DENND1A: variants seen among roughly 807,000 people sequenced by gnomAD.
DENND1A encodes the protein DENN domain containing 1A, also known as DENN domain-containing protein 1A.
DENND1A carries 51 observed loss-of-function variants against 113.7 expected under a neutral mutation model. The ratio of observed to expected loss-of-function variants is 0.45; its 90% CI spans 0.36 to 0.57. The LOEUF is 0.57. DENND1A is among the 20% of genes least tolerant of loss of function. The pLI, the probability that DENND1A is intolerant of heterozygous loss-of-function variation, is 0.00. For synonymous variants in DENND1A, 565 were observed against 570.8 expected, an observed-to-expected ratio of 0.99 and a Z score of 0.14; for missense variants, 1,258 against 1,395.9, an observed-to-expected ratio of 0.90 and a Z score of 1.57.
chr9:123,624,987 A>C (rs2061134938), intron 10 of DENND1A, among the ~76,000 whole-genome samples: 1 of 152,204 alleles, frequency 6.6e-6, no homozygotes, highest in African/African-American at 2.4e-5. Context: ...AATATTGGAA[A>C]ATATGGAAAA....
At chr9:123,414,258 C>G in intron 19 of DENND1A, 2 of 1,294,892 alleles carry the variant, frequency 1.5e-6, no homozygotes, top group Non-Finnish European at 2.0e-6. Context: ...TAGGAAGATT[C>G]AACGAGATGA....
chr9:123,679,756 C>T (rs1217439814), intron 5 of DENND1A, among the ~76,000 whole-genome samples: 2 of 152,200 alleles, frequency 1.3e-5, no homozygotes, highest in East Asian at 1.9e-4. Flanking sequence ...GCAGGTGAGG[C>T]TGCAGGGACC....
chr9:123,564,308 T>C (rs1198409169), intron 12 of DENND1A, among the ~76,000 whole-genome samples: 1 of 152,258 alleles, frequency 6.6e-6, no homozygotes, highest in Non-Finnish European at 1.5e-5. Flanking sequence ...CTATTGAGTG[T>C]TCACCTCTAA....
chr9:123,589,665 A>C (rs981982304), intron 11 of DENND1A, among the ~76,000 whole-genome samples: 14 of 151,594 alleles, frequency 9.2e-5, no homozygotes, highest in East Asian at 3.9e-4. Context: ...AAAAAAAAAA[A>C]AAAAAAAACT....
chr9:123,918,113 C>CAAAA (rs200189692), intron 1 of DENND1A, among the ~76,000 whole-genome samples: 1 of 142,364 alleles, frequency 7.0e-6, no homozygotes, highest in African/African-American at 2.7e-5. Context: ...GACTCTGTCT[C>CAAAA]AAAAAAAATA....
intron 18 of DENND1A, 128 bp from the exon 19 acceptor site, chr9:123,440,619 G>T: frequency 7.9e-7 from 1 of 1,264,300 alleles, no homozygotes; most frequent in Non-Finnish European, 1.0e-6. Flanking sequence ...TCTTGATGAA[G>T]ATGGAGGGAA....
At chr9:123,691,407 G>T (rs546050161) in intron 5 of DENND1A, among the ~76,000 whole-genome samples, 1 of 152,150 alleles carries the variant, frequency 6.6e-6, no homozygotes, top group Non-Finnish European at 1.5e-5. Context: ...TGAGGAAGGC[G>T]AACTGGATGA....
At chr9:123,455,839 C>A (rs2048077483) in intron 15 of DENND1A, among the ~76,000 whole-genome samples, 1 of 152,230 alleles carries the variant, frequency 6.6e-6, no homozygotes, top group African/African-American at 2.4e-5. Flanking sequence ...TAGAACACAA[C>A]TCCAGCCCAG....
chr9:123,634,270 G>A (rs2061606432), intron 9 of DENND1A, among the ~76,000 whole-genome samples: 1 of 152,074 alleles, frequency 6.6e-6, no homozygotes, highest in Admixed American at 6.5e-5. Flanking sequence ...TTCATTAGTG[G>A]GTTTTCTAAG....
intron 5 of DENND1A, among the ~76,000 whole-genome samples, chr9:123,732,688 T>C (rs1003730268): frequency 1.3e-5 from 2 of 152,114 alleles, no homozygotes; most frequent in African/African-American, 2.4e-5. Flanking sequence ...AAAATAAAAA[T>C]AGAAAAGTCT....
chr9:123,536,313 T>C (rs990215232), intron 13 of DENND1A, among the ~76,000 whole-genome samples: 1 of 151,746 alleles, frequency 6.6e-6, no homozygotes, highest in Non-Finnish European at 1.5e-5. Context: ...CTACTAAAAA[T>C]ACAAAAATTA....
At chr9:123,452,700 T>C (rs768016919) in intron 16 of DENND1A, among the ~76,000 whole-genome samples, 1 of 152,040 alleles carries the variant, frequency 6.6e-6, no homozygotes, top group Non-Finnish European at 1.5e-5. Context: ...CTTTTCAAGA[T>C]ATTCTAGTTA....
intron 13 of DENND1A, among the ~76,000 whole-genome samples, chr9:123,524,658 G>A (rs1211097469): frequency 5.9e-5 from 9 of 152,228 alleles, no homozygotes; most frequent in Non-Finnish European, 5.9e-5. Flanking sequence ...ATGAACCAGG[G>A]CGGTCTTCCC....
At chr9:123,600,351 C>A (rs2059888555) in intron 11 of DENND1A, among the ~76,000 whole-genome samples, 2 of 152,082 alleles carry the variant, frequency 1.3e-5, no homozygotes, top group Admixed American at 1.3e-4. Context: ...CTTATTTACT[C>A]CTCATTGAAA....
chr9:123,632,205 CCTGA>C (rs2061505883), intron 9 of DENND1A, among the ~76,000 whole-genome samples: 1 of 152,038 alleles, frequency 6.6e-6, no homozygotes, highest in Admixed American at 6.5e-5. Context: ...CCCCACCTGC[CCTGA>C]CTCTTTCCTC....
At chr9:123,504,529 A>C (rs1210098341) in intron 13 of DENND1A, among the ~76,000 whole-genome samples, 3 of 152,224 alleles carry the variant, frequency 2.0e-5, no homozygotes, top group Non-Finnish European at 4.4e-5. Flanking sequence ...ACAGTTAAAA[A>C]ATTTTTCATT....
chr9:123,636,662 T>G (rs2138858971), intron 9 of DENND1A, among the ~76,000 whole-genome samples: 1 of 151,774 alleles, frequency 6.6e-6, no homozygotes, highest in South Asian at 2.1e-4. Flanking sequence ...GCCTCCAGAT[T>G]CACACCATGA....
chr9:123,392,575 AGTCT>A (rs1168516392), intron 21 of DENND1A, among the ~76,000 whole-genome samples: 2 of 152,126 alleles, frequency 1.3e-5, no homozygotes, highest in Non-Finnish European at 2.9e-5. Context: ...GGTGGGTGCC[AGTCT>A]GTCTAACCAT....
chr9:123,489,910 G>T (rs1300733418), intron 13 of DENND1A, among the ~76,000 whole-genome samples: 1 of 152,186 alleles, frequency 6.6e-6, no homozygotes, highest in Non-Finnish European at 1.5e-5. Flanking sequence ...GATCCCAACC[G>T]ACATCATCAG....
Sources: allele counts gnomAD v4.1 joint callset (sites outside exome capture counted in the v4.1 genomes callset), GRCh38; gene constraint gnomAD v4.1.1; transcripts MANE v1.5; gene names NCBI Gene and HGNC (gene_info 2026-07-23, HGNC 2026-07-21).